DCC: variants seen among roughly 807,000 people sequenced by gnomAD.
DCC encodes netrin receptor DCC.
In DCC, 58 loss-of-function variants were observed where a neutral mutation model predicts 172.5. The ratio of observed to expected loss-of-function variants is 0.34; its 90% CI spans 0.27 to 0.42. The LOEUF is 0.42. Among genes scored for constraint, DCC ranks in the 10% least tolerant of loss-of-function variants. The pLI, the probability that DCC is intolerant of heterozygous loss-of-function variation, is 1.00. For missense variants in DCC, 1,740 were observed against 1,791.0 expected (o/e 0.97, Z 0.51); for synonymous variants, 709 against 644.5 (o/e 1.10, Z -1.52).
At chr18:52,833,512 G>A (rs1468554183) in intron 2 of DCC, among the ~76,000 whole-genome samples, 1 of 152,016 alleles carries the variant, frequency 6.6e-6, no homozygotes, top group Admixed American at 6.6e-5. Flanking sequence ...CTGTCACCTA[G>A]GCTAGAGTGT....
chr18:52,671,592 C>A (rs1418779158), intron 1 of DCC, among the ~76,000 whole-genome samples: 2 of 144,476 alleles, frequency 1.4e-5, no homozygotes, highest in Admixed American at 1.4e-4. Flanking sequence ...CCGGCTGGAG[C>A]ACAGTGGTGT....
rs556344739 is a variant in DCC at position 53,506,965 on chromosome 18, T to C, written c.4111+7455T>C. 7.9e-5 allele frequency among the ~76,000 whole-genome samples: 12 copies of C among 152,292 alleles called. No homozygotes were observed. In the South Asian group the frequency reaches 2.5e-3, roughly 32 times the overall value. ...AACTACAGAACTGATTTTGCTCTTC[T>C]GAATCTCACTTTTCTCATCTGTGAA... On this transcript the variant is annotated intron_variant, in intron 27 of 28. Coordinates refer to ENST00000442544, the MANE Select transcript of DCC (RefSeq NM_005215.4).
At chr18:53,438,279 AC>A (rs1229639366) in intron 22 of DCC, among the ~76,000 whole-genome samples, 1 of 152,176 alleles carries the variant, frequency 6.6e-6, no homozygotes, top group Non-Finnish European at 1.5e-5. Context: ...AGAGAAATTA[AC>A]CTATAGGTTT....
In DCC at chr18:53,305,602, C is replaced by T. The variant is rs749631547; in HGVS notation, c.1936C>T (p.Pro646Ser). The T allele has an allele frequency of 1.9e-6, 3 of 1,613,202 alleles. No individual in the cohort carries two copies. Among genetic ancestry groups the T allele is most frequent in the South Asian group, 2.2e-5 (2 of 91,058 alleles). ...GAGTATCAAAGTTAGCTGGCTGCCT[C>T]CTCCATCAGGAACACAAAATGGATT... is the stretch of plus-strand genomic sequence containing the variant. The part of the protein sequence containing the change: ...SRSIKVSWLP[P>S]PSGTQNGFIT... The change falls in exon 13 of 29, where the codon CCT becomes TCT. Residue 646 changes from proline to serine, a missense_variant. This residue lies in a region of DCC where 1,732 missense variants were observed against 1,767.4 expected (regional missense o/e 0.98). Transcript: ENST00000442544.
At chr18:52,507,605 T>C (rs1598873928) in intron 1 of DCC, among the ~76,000 whole-genome samples, 1 of 152,154 alleles carries the variant, frequency 6.6e-6, no homozygotes, top group East Asian at 1.9e-4. Context: ...TCTCCTGTGT[T>C]CCCAGCATGA....
chr18:52,895,191 A>G (rs893550260), intron 2 of DCC, among the ~76,000 whole-genome samples: 1 of 152,216 alleles, frequency 6.6e-6, no homozygotes, highest in African/African-American at 2.4e-5. Context: ...AATTGTGCAT[A>G]CTTCCAAGTA....
intron 1 of DCC, among the ~76,000 whole-genome samples, chr18:52,563,979 G>A (rs16955244): frequency 0.023 from 3,455 of 152,138 alleles, 140 homozygotes; most frequent in African/African-American, 0.079. Context: ...GTAGGTCACC[G>A]GTCCAATATA....
intron 28 of DCC, among the ~76,000 whole-genome samples, chr18:53,528,053 A>G (rs1598853054): frequency 1.3e-5 from 2 of 152,136 alleles, no homozygotes; most frequent in South Asian, 4.3e-4. Flanking sequence ...ATAAATTTAT[A>G]ACAATATCAA....
intron 7 of DCC, among the ~76,000 whole-genome samples, chr18:53,100,506 GA>G: frequency 6.6e-6 from 1 of 152,110 alleles, no homozygotes; most frequent in South Asian, 2.1e-4. Flanking sequence ...ACAGAAAAAG[GA>G]GAACGAGGAC....
chr18:53,401,881 A>G (rs945641643), intron 18 of DCC, among the ~76,000 whole-genome samples: 5 of 152,214 alleles, frequency 3.3e-5, no homozygotes, highest in Non-Finnish European at 7.3e-5. Context: ...ACCTTTAAAT[A>G]TTTAAAATTG....
chr18:52,872,663 G>A (rs899042837), intron 2 of DCC, among the ~76,000 whole-genome samples: 4 of 152,134 alleles, frequency 2.6e-5, no homozygotes, highest in African/African-American at 9.7e-5. Flanking sequence ...AAAGTTGAAC[G>A]TGTCCAGGAA....
chr18:53,201,007 A>G (rs1391841796), intron 9 of DCC, among the ~76,000 whole-genome samples: 1 of 152,052 alleles, frequency 6.6e-6, no homozygotes, highest in African/African-American at 2.4e-5. Flanking sequence ...GATAAGGTGC[A>G]TTTTCTTCTC....
chr18:53,368,198 G>T (rs1201134391), intron 15 of DCC, among the ~76,000 whole-genome samples: 2 of 152,082 alleles, frequency 1.3e-5, no homozygotes, highest in South Asian at 4.1e-4. Flanking sequence ...TAGGGATGTT[G>T]AACTCTTTTC....
intron 1 of DCC, among the ~76,000 whole-genome samples, chr18:52,472,175 T>C (rs1988965928): frequency 6.6e-6 from 1 of 152,152 alleles, no homozygotes; most frequent in African/African-American, 2.4e-5. Flanking sequence ...GCTCTTCCAG[T>C]CCAGTGAAAT....
At chr18:53,022,894 A>G (rs1484804419) in intron 5 of DCC, among the ~76,000 whole-genome samples, 1 of 152,146 alleles carries the variant, frequency 6.6e-6, no homozygotes, top group African/African-American at 2.4e-5. Flanking sequence ...AGTACATGAG[A>G]GCTCATCATT....
At chr18:52,440,913 G>T (rs950586894) in intron 1 of DCC, among the ~76,000 whole-genome samples, 2 of 152,100 alleles carry the variant, frequency 1.3e-5, no homozygotes, top group East Asian at 3.9e-4. Flanking sequence ...AAACCATAAA[G>T]GTACAAGTAA....
intron 5 of DCC, among the ~76,000 whole-genome samples, chr18:52,948,791 A>G (rs1167492747): frequency 1.3e-5 from 2 of 152,186 alleles, no homozygotes; most frequent in Non-Finnish European, 2.9e-5. Flanking sequence ...TAACATTTAC[A>G]TATATCATTT....
rs2038935315 is a variant in DCC at position 52,848,953 on chromosome 18, G to A, written c.413-57091G>A. 2.0e-5 allele frequency among the ~76,000 whole-genome samples: 3 copies of A among 152,168 alleles called. No individual in the cohort carries two copies. The South Asian group carries it at 6.2e-4, about 32-fold the overall frequency. On this transcript the variant is annotated intron_variant, in intron 2 of 28. Transcript: ENST00000442544. The stretch of plus-strand genomic sequence containing the variant: ...AGCATTGACAGTGTGTACCTCAGAT[G>A]TTGCAAACATGAAATAAAATAATGC...
intron 15 of DCC, among the ~76,000 whole-genome samples, chr18:53,357,117 G>A (rs1234385946): frequency 6.6e-6 from 1 of 152,062 alleles, no homozygotes; most frequent in Non-Finnish European, 1.5e-5. Flanking sequence ...TTTAATAAGT[G>A]ATTAAACAAT....
Sources: gnomAD v4.1 joint callset for allele counts (sites outside exome capture counted in the v4.1 genomes callset) on GRCh38, gnomAD v4.1.1 for gene constraint, gnomAD v4.1.1 regional missense constraint, MANE v1.5 for transcripts, NCBI Gene and HGNC (gene_info 2026-07-23, HGNC 2026-07-21) for gene names.